Variants in CLEC2A observed in about 807,000 individuals in gnomAD.
CLEC2A encodes C-type lectin domain family 2 member A, also known as keratinocyte-associated C-type lectin.
In CLEC2A, 19 loss-of-function variants were observed where a neutral mutation model predicts 18.6. The ratio of observed to expected loss-of-function variants is 1.02; its 90% CI spans 0.71 to 1.50. The LOEUF is 1.50. CLEC2A is among the 40% of genes most tolerant of loss of function. The pLI is 0.00. For missense variants in CLEC2A, 190 were observed against 207.9 expected, an observed-to-expected ratio of 0.91 and a Z score of 0.53; for synonymous variants, 74 against 64.0, an observed-to-expected ratio of 1.16 and a Z score of -0.75.
At chr12:9,916,584 G>C (rs759248673) in intron 4 of CLEC2A, 116 bp downstream of exon 4, 2 of 751,018 alleles carry the variant, frequency 2.7e-6, no homozygotes, top group Non-Finnish European at 4.5e-6. Flanking sequence ...AGACTGAAAA[G>C]TTAATTCCAC....
At chr12:9,891,450 T>C in the CLEC2A span, among the ~76,000 whole-genome samples, 2 of 152,222 alleles carry the variant, frequency 1.3e-5, no homozygotes, top group African/African-American at 4.8e-5. Flanking sequence ...ATTTCCATTG[T>C]GTCTGGCAGC....
chr12:9,879,937 C>T, the CLEC2A span, among the ~76,000 whole-genome samples: 4 of 152,174 alleles, frequency 2.6e-5, no homozygotes, highest in Admixed American at 6.5e-5. Context: ...GGCACATGTT[C>T]GCATTCCTTT....
the CLEC2A span, chr12:9,893,163 GA>G: frequency 6.5e-7 from 1 of 1,530,582 alleles, no homozygotes; most frequent in Non-Finnish European, 8.7e-7. Flanking sequence ...AAATTTGGAT[GA>G]GCTGGTGAGA....
At chr12:9,931,995 C>T (rs1393975384) in intron 1 of CLEC2A, among the ~76,000 whole-genome samples, 1 of 152,122 alleles carries the variant, frequency 6.6e-6, no homozygotes, top group Non-Finnish European at 1.5e-5. Flanking sequence ...GCAATTTTTT[C>T]CCTGTGAAAG....
At chr12:9,928,037 G>A (rs910905451) in intron 1 of CLEC2A, among the ~76,000 whole-genome samples, 3 of 152,080 alleles carry the variant, frequency 2.0e-5, no homozygotes, top group Non-Finnish European at 4.4e-5. Context: ...TTATTGACCT[G>A]AACATAAAAC....
At chr12:9,923,382 C>T (rs1392600444) in intron 2 of CLEC2A, among the ~76,000 whole-genome samples, 1 of 152,282 alleles carries the variant, frequency 6.6e-6, no homozygotes, top group East Asian at 1.9e-4. Flanking sequence ...AATGAGATAT[C>T]ATCTCGCACC....
chr12:9,926,563 A>G (rs751662390), intron 1 of CLEC2A, among the ~76,000 whole-genome samples: 1 of 152,188 alleles, frequency 6.6e-6, no homozygotes, highest in Non-Finnish European at 1.5e-5. Context: ...TGGTGAGTGG[A>G]GAAATCACTG....
intron 4 of CLEC2A, among the ~76,000 whole-genome samples, chr12:9,916,019 A>G (rs1471298279): frequency 6.6e-6 from 1 of 151,976 alleles, no homozygotes; most frequent in African/African-American, 2.4e-5. Flanking sequence ...AGGCAGAGAT[A>G]CATATGTATC....
chr12:9,928,122 G>C (rs895913852), intron 1 of CLEC2A, among the ~76,000 whole-genome samples: 36 of 152,148 alleles, frequency 2.4e-4, no homozygotes, highest in Non-Finnish European at 3.1e-4. Flanking sequence ...CTTAGAGAAA[G>C]AAGAGAAAGT....
chr12:9,903,859 T>C (rs1046229598), intron 4 of CLEC2A, among the ~76,000 whole-genome samples: 1 of 152,226 alleles, frequency 6.6e-6, no homozygotes, highest in African/African-American at 2.4e-5. Context: ...ATGGCATCTA[T>C]ATAAACATGA....
rs1862801661 is a variant in CLEC2A at position 9,899,853 on chromosome 12, C to T, written c.411-877G>A. The stretch of plus-strand genomic sequence containing the variant: ...TCACCTGCATTCTGCCTCTTAACTT[C>T]CACTATCATCTGCCTCTGGATCCCT... On this transcript the variant is annotated intron_variant, in intron 4 of 4. Transcript: ENST00000339766. Among the ~76,000 whole-genome samples, 2 of 152,208 alleles carry T rather than the reference C, an allele frequency of 1.3e-5. 1 individual carries two copies. The highest frequency in any genetic ancestry group is 4.8e-5 in the African/African-American group (2 of 41,444).
At chr12:9,898,153 T>G (rs1862777794), downstream of CLEC2A, among the ~76,000 whole-genome samples, 1 of 152,254 alleles carries the variant, frequency 6.6e-6, no homozygotes, top group Admixed American at 6.5e-5. Flanking sequence ...TTTTTCTAAA[T>G]GAAATTCTAT....
At chr12:9,912,665 CAAA>C (rs3053814), downstream of CLEC2A, among the ~76,000 whole-genome samples, 16 of 142,768 alleles carry the variant, frequency 1.1e-4, no homozygotes, top group Non-Finnish European at 1.1e-4. Flanking sequence ...GGGTGAAAAG[CAAA>C]AAAAAAAAAA....
At chr12:9,907,498 C>T (rs1202879752) in intron 4 of CLEC2A, among the ~76,000 whole-genome samples, 2 of 152,096 alleles carry the variant, frequency 1.3e-5, no homozygotes, top group Non-Finnish European at 2.9e-5. Flanking sequence ...GGGTCCCATC[C>T]TTCATTTGCC....
At chr12:9,920,256 C>T (rs4764088) in intron 3 of CLEC2A, among the ~76,000 whole-genome samples, 62,826 of 151,994 alleles carry the variant, frequency 0.41, 14,019 homozygotes, top group Non-Finnish European at 0.51. Context: ...CCTCCCTCTT[C>T]GCTGGAGTTT....
At chr12:9,909,764 C>A (rs1433152361), downstream of CLEC2A, among the ~76,000 whole-genome samples, 2 of 151,934 alleles carry the variant, frequency 1.3e-5, no homozygotes, top group African/African-American at 4.8e-5. Context: ...GGAGCTGGCT[C>A]ATGGGATGAT....
chr12:9,902,524 C>T (rs570665461), intron 4 of CLEC2A, among the ~76,000 whole-genome samples: 257 of 152,134 alleles, frequency 1.7e-3, no homozygotes, highest in African/African-American at 5.4e-3. Flanking sequence ...TGAGCCACTG[C>T]GCCCAGCTGG....
chr12:9,879,389 T>C, the CLEC2A span, among the ~76,000 whole-genome samples: 1 of 152,162 alleles, frequency 6.6e-6, no homozygotes, highest in Non-Finnish European at 1.5e-5. Flanking sequence ...GTGAAGGACA[T>C]TGTAACATGG....
chr12:9,907,325 G>GA (rs1432415128), intron 4 of CLEC2A, among the ~76,000 whole-genome samples: 3 of 152,174 alleles, frequency 2.0e-5, no homozygotes, highest in Non-Finnish European at 4.4e-5. Context: ...GAAGTCCACA[G>GA]AAGATGGTCA....
Sources: allele counts gnomAD v4.1 joint callset (sites outside exome capture counted in the v4.1 genomes callset), GRCh38; gene constraint gnomAD v4.1.1; transcripts MANE v1.5; gene names NCBI Gene and HGNC (gene_info 2026-07-23, HGNC 2026-07-21).